The following ZNF385B variants were observed in gnomAD, a reference collection of about 807,000 sequenced individuals.
ZNF385B encodes the protein zinc finger protein 533.
A neutral mutation model predicts 39.2 loss-of-function variants in ZNF385B; 23 were observed. That is an observed-to-expected ratio of 0.59 (90% CI 0.42 to 0.83). The LOEUF (loss-of-function observed/expected upper bound fraction) is 0.83. ZNF385B is among the 40% of genes least tolerant of loss of function. The probability of loss-of-function intolerance (pLI) is 0.00; values close to 1 mark genes in which losing one functional copy is unlikely to be tolerated. For synonymous variants in ZNF385B, 205 were observed against 222.6 expected (o/e 0.92, Z 0.70); for missense variants, 552 against 598.9 (o/e 0.92, Z 0.82).
At chr2:179,499,124 A>T (rs2056522096) in intron 5 of ZNF385B, among the ~76,000 whole-genome samples, 1 of 152,000 alleles carries the variant, frequency 6.6e-6, no homozygotes, top group South Asian at 2.1e-4. Context: ...ACCAGGAAAA[A>T]ATCCCAAACC....
rs566587897 is a variant in ZNF385B, at chr2:179,814,085, T to C, written c.-154-43413A>G. On this transcript the variant is annotated intron_variant, in intron 1 of 9. Transcript: ENST00000410066. ...ACATGTGGAAAGTGTTACAAAGTTA[T>C]GTGAATGAGGCAGGCCCAGTGTTGC... 2.0e-5 allele frequency among the ~76,000 whole-genome samples: 3 copies of C among 152,354 alleles called. No individual in the cohort carries two copies. In the East Asian group the frequency reaches 5.8e-4, roughly 29 times the overall value.
At chr2:179,806,530 C>T (rs1437841529) in intron 1 of ZNF385B, among the ~76,000 whole-genome samples, 5 of 152,176 alleles carry the variant, frequency 3.3e-5, no homozygotes, top group Non-Finnish European at 7.3e-5. Context: ...GTTAACCTTT[C>T]AATAACGTAA....
chr2:179,824,028 C>T (rs1707546347), intron 1 of ZNF385B, among the ~76,000 whole-genome samples: 1 of 152,044 alleles, frequency 6.6e-6, no homozygotes, highest in South Asian at 2.1e-4. Context: ...TATCTTCATA[C>T]CTTAGTATGA....
At chr2:179,657,926 A>G (rs1163460609) in intron 3 of ZNF385B, among the ~76,000 whole-genome samples, 1 of 152,202 alleles carries the variant, frequency 6.6e-6, no homozygotes, top group Non-Finnish European at 1.5e-5. Flanking sequence ...AACTCCCATC[A>G]TCTCAAGCTC....
intron 4 of ZNF385B, among the ~76,000 whole-genome samples, chr2:179,520,826 T>C (rs2105813537): frequency 6.6e-6 from 1 of 152,356 alleles, no homozygotes; most frequent in East Asian, 1.9e-4. Context: ...CATTATTTTT[T>C]GCCATATCCA....
chr2:179,652,173 T>G (rs1279870508), intron 3 of ZNF385B, among the ~76,000 whole-genome samples: 1 of 152,184 alleles, frequency 6.6e-6, no homozygotes, highest in Non-Finnish European at 1.5e-5. Flanking sequence ...TAGCTACCGT[T>G]AAGATACACA....
At chr2:179,589,383 T>C (rs1574917792) in intron 3 of ZNF385B, among the ~76,000 whole-genome samples, 1 of 152,222 alleles carries the variant, frequency 6.6e-6, no homozygotes, top group East Asian at 1.9e-4. Context: ...CCAAACCAGG[T>C]AGGGATGCCC....
chr2:179,685,689 A>C (rs567952698), intron 3 of ZNF385B, among the ~76,000 whole-genome samples: 858 of 85,322 alleles, frequency 0.01, 9 homozygotes, highest in African/African-American at 0.04. Context: ...CTGACACAGA[A>C]AGTGCTAAAA....
At chr2:179,855,443 A>G (rs948987843) in intron 1 of ZNF385B, among the ~76,000 whole-genome samples, 2 of 152,158 alleles carry the variant, frequency 1.3e-5, no homozygotes, top group Non-Finnish European at 2.9e-5. Flanking sequence ...GTCATTTTTC[A>G]TAAAGTAGGT....
rs991257808 is a variant in ZNF385B at position 179,481,774 on chromosome 2, C to A, written c.715+1498G>T. On this transcript the variant is annotated intron_variant, in intron 6 of 9. Transcript: ENST00000410066. ...ATTCCATAAAGGCAGTGATATCCTG[C>A]ATTAAACGAAACCAGGCAAGAAGTC... 3.9e-5 allele frequency among the ~76,000 whole-genome samples: 6 copies of A among 152,272 alleles called. No homozygotes were observed. The Middle Eastern group carries it at 0.01, about 259-fold the overall frequency.
At chr2:179,711,759 A>C (rs1285695765) in intron 3 of ZNF385B, among the ~76,000 whole-genome samples, 2 of 151,908 alleles carry the variant, frequency 1.3e-5, no homozygotes, top group African/African-American at 2.4e-5. Context: ...TATAAACTGC[A>C]TTTTTTTAAA....
intron 3 of ZNF385B, among the ~76,000 whole-genome samples, chr2:179,759,582 A>G (rs1703244605): frequency 6.6e-6 from 1 of 152,136 alleles, no homozygotes; most frequent in South Asian, 2.1e-4. Flanking sequence ...ATGCATCTGC[A>G]TTGCCATTGC....
chr2:179,516,877 G>A (rs1294269247), intron 5 of ZNF385B, among the ~76,000 whole-genome samples: 2 of 149,830 alleles, frequency 1.3e-5, no homozygotes, highest in Non-Finnish European at 3.0e-5. Context: ...TTTTTTTAAA[G>A]TTTTTATTTT....
At chr2:179,540,339 G>A (rs564047094) in intron 4 of ZNF385B, among the ~76,000 whole-genome samples, 4 of 152,026 alleles carry the variant, frequency 2.6e-5, no homozygotes, top group Non-Finnish European at 5.9e-5. Context: ...CCAGCTACTC[G>A]GGAGGCTGAG....
chr2:179,493,784 C>CATATGTGTATATATAT (rs1559338484), intron 5 of ZNF385B, among the ~76,000 whole-genome samples: 3 of 88,508 alleles, frequency 3.4e-5, no homozygotes, highest in Admixed American at 2.2e-4. Flanking sequence ...TGTATATACA[C>CATATGTGTATATATAT]ATATGTATAC....
intron 1 of ZNF385B, among the ~76,000 whole-genome samples, chr2:179,811,705 C>A (rs10177051): frequency 1.6e-3 from 244 of 152,018 alleles, no homozygotes; most frequent in African/African-American, 5.5e-3. Context: ...TAGAAAAAAA[C>A]CTAGGAAACA....
intron 3 of ZNF385B, among the ~76,000 whole-genome samples, chr2:179,736,102 G>A (rs16866969): frequency 0.11 from 16,776 of 151,772 alleles, 1,568 homozygotes; most frequent in East Asian, 0.48. Flanking sequence ...ATGTGAAAAA[G>A]AAAAATAAAT....
intron 3 of ZNF385B, among the ~76,000 whole-genome samples, chr2:179,766,719 C>G (rs916931876): frequency 8.5e-5 from 13 of 152,172 alleles, no homozygotes; most frequent in African/African-American, 2.4e-4. Context: ...TCTGTAAAGA[C>G]CCTAGCTCTA....
chr2:179,496,141 A>G (rs1170905571), intron 5 of ZNF385B, among the ~76,000 whole-genome samples: 1 of 152,206 alleles, frequency 6.6e-6, no homozygotes, highest in African/African-American at 2.4e-5. Flanking sequence ...GACTGAAGTA[A>G]TTAAAAGGAA....
Sources: gnomAD v4.1 joint callset for allele counts (sites outside exome capture counted in the v4.1 genomes callset) on GRCh38, gnomAD v4.1.1 for gene constraint, MANE v1.5 for transcripts, NCBI Gene and HGNC (gene_info 2026-07-23, HGNC 2026-07-21) for gene names.